Variants in FBXO16 observed in about 807,000 individuals in gnomAD.
FBXO16 encodes F-box protein 16.
FBXO16 carries 31 observed loss-of-function variants against 41.0 expected under a neutral mutation model. The observed-to-expected ratio is 0.76, with a 90% CI of 0.57 to 1.02. The LOEUF is 1.02. FBXO16 is among the 50% of genes least tolerant of loss of function. FBXO16 has a pLI of 0.00. For synonymous variants in FBXO16, 133 were observed against 117.8 expected (o/e 1.13, Z -0.84); for missense variants, 361 against 346.2 (o/e 1.04, Z -0.34).
At chr8:28,442,070 A>C (rs527555512) in intron 7 of FBXO16, among the ~76,000 whole-genome samples, 28 of 150,866 alleles carry the variant, frequency 1.9e-4, no homozygotes, top group African/African-American at 6.3e-4. Flanking sequence ...CAGCCTCCCA[A>C]GTAGCTGGGA....
chr8:28,474,402 AGTT>A (rs1171543580), intron 2 of FBXO16, among the ~76,000 whole-genome samples: 1 of 150,720 alleles, frequency 6.6e-6, no homozygotes, highest in African/African-American at 2.4e-5. Flanking sequence ...AAGAAAAAAT[AGTT>A]TTTTTAAAGT....
At position 28,447,062 on chromosome 8, in the gene FBXO16, C is replaced by T. The variant is rs1203434752; in HGVS notation, c.843+109G>A. Reference sequence around the variant, plus strand: ...TGTCAGAAACCCGAATTTAAATCACCACTCCATGATTCTGATTAAATAAAT... The same window carrying T: ...TGTCAGAAACCCGAATTTAAATCACTACTCCATGATTCTGATTAAATAAAT... On this transcript the variant is annotated intron_variant, in intron 7 of 8. Coordinates refer to ENST00000380254, the MANE Select transcript of FBXO16 (RefSeq NM_172366.4). 10 of 969,164 alleles carry T rather than the reference C, an allele frequency of 1.0e-5. No homozygotes were observed. In the Admixed American group the frequency reaches 2.1e-4, roughly 20 times the overall value. The allele number at this position is 969,164 out of a possible 1,614,324, so 60.0% of individuals were successfully genotyped here.
intron 7 of FBXO16, among the ~76,000 whole-genome samples, chr8:28,445,654 G>A (rs1802852091): frequency 6.6e-6 from 1 of 152,178 alleles, no homozygotes; most frequent in African/African-American, 2.4e-5. Flanking sequence ...TTGGGCATCA[G>A]GACACATGTC....
At position 28,463,948 on chromosome 8, in the gene FBXO16, A is replaced by T. The variant is rs892910304; in HGVS notation, c.136-130T>A. ...ATTTATTTCTAGTATTTATTTCCCT[A>T]ATCAGCAAATTCCATGCTTTGCCAC... On this transcript the variant is annotated intron_variant, in intron 3 of 8. Coordinates refer to ENST00000380254, the MANE Select transcript of FBXO16 (RefSeq NM_172366.4). 5.7e-6 allele frequency: 5 copies of T among 879,942 alleles called. No homozygotes were observed. The African/African-American group carries it at 8.5e-5, about 15-fold the overall frequency. 54.5% of individuals were successfully genotyped at this position (879,942 alleles called of 1,614,324 possible).
At chr8:28,487,868 G>A (rs1410021158) in intron 1 of FBXO16, among the ~76,000 whole-genome samples, 1 of 148,362 alleles carries the variant, frequency 6.7e-6, no homozygotes, top group Non-Finnish European at 1.5e-5. Flanking sequence ...TTTTTTTAGA[G>A]GTGGAGCAAA....
chr8:28,477,208 T>C (rs1392332882), intron 2 of FBXO16, among the ~76,000 whole-genome samples: 6 of 152,176 alleles, frequency 3.9e-5, no homozygotes, highest in African/African-American at 1.4e-4. Context: ...TAGTCTAAGA[T>C]AGTTACATAT....
rs575375088 is a variant in FBXO16 at position 28,444,302 on chromosome 8, CT to C, written c.843+2868del. On this transcript the variant is annotated intron_variant, in intron 7 of 8. Transcript: ENST00000380254. Reference sequence around the variant, plus strand: ...TCTTGCCTCACATCCAATATTTCTTCTTTTTTTTTTTTTTTTTTGAGACGGA... The same window carrying C: ...TCTTGCCTCACATCCAATATTTCTTCTTTTTTTTTTTTTTTTTGAGACGGA... Among the ~76,000 whole-genome samples, 1,140 of 128,584 alleles carry C rather than the reference CT, an allele frequency of 8.9e-3. 21 individuals carry two copies. Among genetic ancestry groups the C allele is most frequent in the African/African-American group, 0.028 (900 of 32,568 alleles). 84.4% of individuals were successfully genotyped at this position (128,584 alleles called of 152,430 possible). A position where few individuals can be genotyped will look rare whatever the true frequency, so the allele number is the denominator to read the frequency against.
intron 1 of FBXO16, among the ~76,000 whole-genome samples, chr8:28,489,039 C>T (rs1262070678): frequency 6.6e-6 from 1 of 152,078 alleles, no homozygotes; most frequent in African/African-American, 2.4e-5. Flanking sequence ...AAAATGACTA[C>T]AGCAGTGCAA....
chr8:28,471,056 T>C (rs1803326831), intron 3 of FBXO16, among the ~76,000 whole-genome samples: 1 of 152,152 alleles, frequency 6.6e-6, no homozygotes, highest in Admixed American at 6.6e-5. Context: ...CTCTCTCAGT[T>C]TGGGAGGGAA....
intron 2 of FBXO16, among the ~76,000 whole-genome samples, chr8:28,476,158 G>C (rs564454571): frequency 6.6e-6 from 1 of 152,200 alleles, no homozygotes; most frequent in Non-Finnish European, 1.5e-5. Context: ...GGAAACAAAA[G>C]GAAACTGACT....
chr8:28,476,648 C>T (rs981464323), intron 2 of FBXO16, among the ~76,000 whole-genome samples: 1 of 152,128 alleles, frequency 6.6e-6, no homozygotes, highest in Non-Finnish European at 1.5e-5. Context: ...GTCAAAATCC[C>T]ACGGTTGTTA....
chr8:28,474,654 A>G (rs1803395082), intron 2 of FBXO16, among the ~76,000 whole-genome samples: 1 of 152,214 alleles, frequency 6.6e-6, no homozygotes, highest in Admixed American at 6.5e-5. Context: ...ACACATCTGT[A>G]GGATTAGAAA....
At chr8:28,465,502 C>A (rs1339041629) in intron 3 of FBXO16, 4 of 392,648 alleles carry the variant, frequency 1.0e-5, no homozygotes, top group Non-Finnish European at 2.1e-5. Flanking sequence ...GTGGTCCCAG[C>A]TACTCAGGAG....
intron 3 of FBXO16, among the ~76,000 whole-genome samples, chr8:28,466,682 T>C (rs1014516106): frequency 2.7e-5 from 4 of 149,704 alleles, no homozygotes; most frequent in Non-Finnish European, 1.5e-5. Flanking sequence ...GTAGTCCCAG[T>C]TACATGGGAG....
intron 1 of FBXO16, among the ~76,000 whole-genome samples, chr8:28,488,139 C>T (rs1803632334): frequency 6.6e-6 from 1 of 152,160 alleles, no homozygotes; most frequent in Non-Finnish European, 1.5e-5. Context: ...GCATGAGCCA[C>T]TGCGCCCAGC....
At chr8:28,454,952 T>A (rs2130133584) in intron 5 of FBXO16, among the ~76,000 whole-genome samples, 1 of 149,386 alleles carries the variant, frequency 6.7e-6, no homozygotes, top group East Asian at 1.9e-4. Context: ...TGATCATATA[T>A]CTTTTCTCTC....
chr8:28,453,807 C>T (rs1802993543), intron 5 of FBXO16, among the ~76,000 whole-genome samples: 1 of 151,928 alleles, frequency 6.6e-6, no homozygotes, highest in Non-Finnish European at 1.5e-5. Context: ...CTAGACTAGG[C>T]TCTGTGAAAG....
intron 7 of FBXO16, 176 bp downstream of exon 7, chr8:28,446,995 A>C (rs1802874484): frequency 1.8e-6 from 1 of 558,666 alleles, no homozygotes; most frequent in African/African-American, 1.9e-5. Flanking sequence ...AGAGAGATTA[A>C]ATAAAGTGTA....
At chr8:28,469,245 G>A (rs990207223) in intron 3 of FBXO16, among the ~76,000 whole-genome samples, 15 of 152,186 alleles carry the variant, frequency 9.9e-5, no homozygotes, top group African/African-American at 3.6e-4. Flanking sequence ...CCTGGGAGGC[G>A]GAGGTTGTGG....
Sources: gnomAD v4.1 joint callset for allele counts (sites outside exome capture counted in the v4.1 genomes callset) on GRCh38, gnomAD v4.1.1 for gene constraint, MANE v1.5 for transcripts, NCBI Gene and HGNC (gene_info 2026-07-23, HGNC 2026-07-21) for gene names.